Variants in DCN observed in about 807,000 individuals in gnomAD.
The protein encoded by DCN is bone proteoglycan II.
Under a neutral mutation model 36.5 loss-of-function variants are expected in DCN, and 17 were observed. The observed-to-expected ratio is 0.47, with a 90% confidence interval of 0.32 to 0.70. DCN has a LOEUF of 0.70. Among genes scored for constraint, DCN ranks in the 30% least tolerant of loss-of-function variants. The probability of loss-of-function intolerance (pLI) is 0.04; values close to 1 mark genes in which losing one functional copy is unlikely to be tolerated. For synonymous variants in DCN, 163 were observed against 161.4 expected, an observed-to-expected ratio of 1.01 and a Z score of -0.07; for missense variants, 389 against 430.1, an observed-to-expected ratio of 0.90 and a Z score of 0.84.
chr12:91,158,448 A>C lies in DCN; in HGVS notation c.386T>G (p.Val129Gly). The change falls in exon 4 of 8, where the codon GTG (valine) becomes GGG (glycine). Residue 129 changes from valine to glycine, a missense_variant. Coordinates refer to ENST00000052754, the MANE Select transcript of DCN (RefSeq NM_001920.5). ...KVSPGAFTPL[V>G]KLERLYLSKN... is the part of the protein sequence containing the mutation. ...GGACAGATAAAGTCGTTCCAACTTC[A>C]CCAAAGGTGTAAATGCTCCAGGACT... The C allele has an allele frequency of 6.2e-7, 1 of 1,610,764 alleles. No individual in the cohort carries two copies. Among genetic ancestry groups the C allele is most frequent in the Non-Finnish European group, 8.5e-7 (1 of 1,176,914 alleles).
Position 91,178,294 on chromosome 12 carries a change from A to C in DCN, c.211+48T>G, listed in dbSNP as rs558487692. The C allele has an allele frequency of 3.3e-4, 501 of 1,538,282 alleles. 1 individual carries two copies. The highest frequency in any genetic ancestry group is 1.3e-3 in the Admixed American group (80 of 59,812). On this transcript the variant is annotated intron_variant, in intron 2 of 7. Transcript: ENST00000052754. ...CTAAACTCTCAGAGTTGCCATTCCC[A>C]AGAATAAAACAAGTAAGGTAGGTAA...
intron 2 of DCN, among the ~76,000 whole-genome samples, 178 bp downstream of exon 2, chr12:91,178,164 A>G (rs1357941364): frequency 6.6e-6 from 1 of 151,820 alleles, no homozygotes; most frequent in Non-Finnish European, 1.5e-5. Context: ...GAGAGAGAGA[A>G]AGAGAGAACA....
At chr12:91,168,658 C>T (rs1415344426) in intron 2 of DCN, among the ~76,000 whole-genome samples, 1 of 152,164 alleles carries the variant, frequency 6.6e-6, no homozygotes, top group East Asian at 1.9e-4. Context: ...CTCCCTATAA[C>T]CTGCTATCAT....
In DCN at chr12:91,141,755, G is replaced by A. The variant is rs1192683299; in HGVS notation, c.*4303C>T. ...TATGCTTGTTCCTGATGGCCTGGAA[G>A]CATTCATTCAGCCCTCACAGTCACT... is the stretch of plus-strand genomic sequence containing the variant. On this transcript the variant is annotated 3_prime_UTR_variant, in exon 8 of 8. Coordinates refer to ENST00000052754, the MANE Select transcript of DCN (RefSeq NM_001920.5). 1 of 152,170 alleles carries A rather than the reference G, an allele frequency of 6.6e-6. No homozygotes were observed. The highest frequency in any genetic ancestry group is 1.9e-4 in the East Asian group (1 of 5,190). 9.4% of individuals were successfully genotyped at this position (152,170 alleles called of 1,614,324 possible). A position where few individuals can be genotyped will look rare whatever the true frequency, so the allele number is the denominator to read the frequency against.
intron 6 of DCN, among the ~76,000 whole-genome samples, chr12:91,152,778 G>A (rs1881515702): frequency 6.6e-6 from 1 of 152,010 alleles, no homozygotes; most frequent in Non-Finnish European, 1.5e-5. Context: ...CTTTCTGTTT[G>A]ATGCAAATAA....
At position 91,141,520 on chromosome 12, in the gene DCN, C is replaced by T. The variant is rs1880754808; in HGVS notation, c.*4538G>A. ...CTTTAATTGTCATGTCCTGGAATGT[C>T]TCCTCCTGCTGCAACATCTGCTTCA... is the stretch of plus-strand genomic sequence containing the variant. On this transcript the variant is annotated 3_prime_UTR_variant, in exon 8 of 8. Coordinates refer to ENST00000052754, the MANE Select transcript of DCN (RefSeq NM_001920.5). 1 of 152,106 alleles carries T rather than the reference C, an allele frequency of 6.6e-6. No homozygotes were observed. Among genetic ancestry groups the T allele is most frequent in the Non-Finnish European group, 1.5e-5 (1 of 68,062 alleles). 9.4% of individuals were successfully genotyped at this position (152,106 alleles called of 1,614,324 possible). A position where few individuals can be genotyped will look rare whatever the true frequency, so the allele number is the denominator to read the frequency against.
chr12:91,174,924 C>A (rs1397852836), intron 2 of DCN, among the ~76,000 whole-genome samples: 2 of 152,236 alleles, frequency 1.3e-5, no homozygotes, highest in East Asian at 3.9e-4. Flanking sequence ...ATTATACTAC[C>A]TGGTGACACT....
chr12:91,157,785 C>A lies in DCN; in HGVS notation c.538+511G>T, dbSNP rs908872796. Reference sequence around the variant, plus strand: ...CTGGTACTACAGGCCCCCACCACCACGCCCGGCTAATTTTTTGTATTTTTA... The same window carrying A: ...CTGGTACTACAGGCCCCCACCACCAAGCCCGGCTAATTTTTTGTATTTTTA... On this transcript the variant is annotated intron_variant, in intron 4 of 7. Coordinates refer to ENST00000052754, the MANE Select transcript of DCN (RefSeq NM_001920.5). Among the ~76,000 whole-genome samples, 8 of 152,106 alleles carry A rather than the reference C, an allele frequency of 5.3e-5. No homozygotes were observed. In the East Asian group the frequency reaches 1.2e-3, roughly 22 times the overall value.
In DCN at chr12:91,148,721, C is replaced by CAAAAAAAAAAAAAAAAAAAAA. The variant is rs5799978; in HGVS notation, c.886-2490_886-2470dup. The stretch of plus-strand genomic sequence containing the variant: ...GGTGACAGAGCGAGACGCTCCGACT[C>CAAAAAAAAAAAAAAAAAAAAA]AAAAAAAAAAAAAAAAAAAAAAAAA... On this transcript the variant is annotated intron_variant, in intron 7 of 7. Coordinates refer to ENST00000052754, the MANE Select transcript of DCN (RefSeq NM_001920.5). Among the ~76,000 whole-genome samples the CAAAAAAAAAAAAAAAAAAAAA allele has an allele frequency of 3.6e-4, 18 of 49,472 alleles. 3 individuals carry two copies. Among genetic ancestry groups the CAAAAAAAAAAAAAAAAAAAAA allele is most frequent in the African/African-American group, 9.2e-4 (14 of 15,222 alleles). The allele number at this position is 49,472 out of a possible 152,430, so 32.5% of individuals were successfully genotyped here. A position where few individuals can be genotyped will look rare whatever the true frequency, so the allele number is the denominator to read the frequency against.
chr12:91,144,830 T>G lies in DCN; in HGVS notation c.*1228A>C, dbSNP rs560589034. 14 of 152,286 alleles carry G rather than the reference T, an allele frequency of 9.2e-5. No homozygotes were observed. Among genetic ancestry groups the G allele is most frequent in the African/African-American group, 2.9e-4 (12 of 41,574 alleles). 9.4% of individuals were successfully genotyped at this position (152,286 alleles called of 1,614,324 possible). On this transcript the variant is annotated 3_prime_UTR_variant, in exon 8 of 8. Coordinates refer to ENST00000052754, the MANE Select transcript of DCN (RefSeq NM_001920.5). ...TCCACTGCACTCATTCTGCTACTAT[T>G]AGCAGAATTGATTACCTCTCATGTG...
Position 91,155,615 on chromosome 12 carries a change from GATCTATCTATCT to G in DCN, c.652+1448_652+1459del, listed in dbSNP as rs3990009. ...TAAATTTCAGCAAGAATTTTAATAA[GATCTATCTATCT>G]ATCTATCTATCTATCTATCTATCTA... On this transcript the variant is annotated intron_variant, in intron 5 of 7. Transcript: ENST00000052754. 6.2e-3 allele frequency among the ~76,000 whole-genome samples: 930 copies of G among 150,358 alleles called. 10 individuals carry two copies. The highest frequency in any genetic ancestry group is 0.021 in the African/African-American group (838 of 40,714).
intron 2 of DCN, chr12:91,176,790 G>A (rs866207004): frequency 3.3e-5 from 5 of 151,964 alleles, no homozygotes; most frequent in South Asian, 2.1e-4. Context: ...AATTTAATTC[G>A]CATTACATTT....
At chr12:91,169,394 A>AC (rs1265293622) in intron 2 of DCN, among the ~76,000 whole-genome samples, 8 of 150,786 alleles carry the variant, frequency 5.3e-5, no homozygotes, top group African/African-American at 2.0e-4. Context: ...AAAAAAAAAA[A>AC]AAAAAAACCA....
intron 3 of DCN, among the ~76,000 whole-genome samples, chr12:91,163,398 G>A (rs1882287623): frequency 1.3e-5 from 2 of 152,094 alleles, no homozygotes; most frequent in East Asian, 1.9e-4. Context: ...TTGTCTTTTG[G>A]TCTGAAGTAG....
intron 7 of DCN, 52 bp downstream of exon 7, chr12:91,151,602 T>TG (rs763788153): frequency 2.5e-6 from 4 of 1,607,904 alleles, no homozygotes; most frequent in East Asian, 4.5e-5. Context: ...ATAAGCAGGG[T>TG]GGGGGTCTTG....
At chr12:91,151,547 TG>T in intron 7 of DCN, 106 bp downstream of exon 7, 1 of 1,323,506 alleles carries the variant, frequency 7.6e-7, no homozygotes, top group Non-Finnish European at 1.1e-6. Flanking sequence ...TAAGACACTC[TG>T]GAAAAAAAAC....
Position 91,141,638 on chromosome 12 carries a change from A to G in DCN, c.*4420T>C, listed in dbSNP as rs1412148797. ...TAATAAATATTGGCTGAAAAAATGA[A>G]GTAATATGTGCTAGTAGATATATCT... On this transcript the variant is annotated 3_prime_UTR_variant, in exon 8 of 8. Transcript: ENST00000052754. The G allele has an allele frequency of 6.6e-6, 1 of 152,192 alleles. No homozygotes were observed. The highest frequency in any genetic ancestry group is 1.9e-4 in the East Asian group (1 of 5,196). The allele number at this position is 152,192 out of a possible 1,614,324, so 9.4% of individuals were successfully genotyped here.
chr12:91,164,765 G>T, intron 2 of DCN, 48 bp from the exon 3 acceptor site: 1 of 916,584 alleles, frequency 1.1e-6, no homozygotes, highest in Non-Finnish European at 1.8e-6. Context: ...AGGACATGTG[G>T]CTACAGAATC....
intron 2 of DCN, chr12:91,170,004 C>G (rs1479250042): frequency 6.7e-6 from 1 of 150,136 alleles, no homozygotes; most frequent in Non-Finnish European, 1.5e-5. Context: ...GCGGAGCTTG[C>G]AGTGAGCCGA....
Sources: allele counts gnomAD v4.1 joint callset (sites outside exome capture counted in the v4.1 genomes callset), GRCh38; gene constraint gnomAD v4.1.1; transcripts MANE v1.5; gene names NCBI Gene and HGNC (gene_info 2026-07-23, HGNC 2026-07-21).